Variants in DLG2 observed in about 807,000 individuals in gnomAD.
DLG2 encodes discs large MAGUK scaffold protein 2, also known as disks large homolog 2.
A neutral mutation model predicts 132.5 loss-of-function variants in DLG2; 45 were observed. The observed-to-expected ratio is 0.34, with a 90% confidence interval of 0.27 to 0.44. DLG2 has a LOEUF of 0.44. DLG2 is among the 20% of genes least tolerant of loss of function. The pLI, the probability that DLG2 is intolerant of heterozygous loss-of-function variation, is 1.00. For synonymous variants in DLG2, 424 were observed against 419.6 expected (o/e 1.01, Z -0.13); for missense variants, 1,045 against 1,196.9 (o/e 0.87, Z 1.87).
chr11:84,842,165 G>T (rs756824417), intron 6 of DLG2, among the ~76,000 whole-genome samples: 4 of 151,950 alleles, frequency 2.6e-5, no homozygotes, highest in Non-Finnish European at 4.4e-5. Flanking sequence ...AGGGACTATA[G>T]AGATGAGGAA....
intron 3 of DLG2, among the ~76,000 whole-genome samples, chr11:85,465,912 A>C (rs1334323465): frequency 6.6e-6 from 1 of 152,066 alleles, no homozygotes; most frequent in Non-Finnish European, 1.5e-5. Flanking sequence ...ACTAGTTTAC[A>C]GTCCCACCAA....
intron 6 of DLG2, among the ~76,000 whole-genome samples, chr11:84,708,212 T>C (rs1029591118): frequency 2.0e-5 from 3 of 151,900 alleles, no homozygotes; most frequent in Non-Finnish European, 4.4e-5. Flanking sequence ...TGTTCTCGTC[T>C]ATAAAAATAT....
intron 3 of DLG2, among the ~76,000 whole-genome samples, chr11:85,520,840 C>G (rs1481998013): frequency 1.3e-5 from 2 of 152,094 alleles, no homozygotes. Context: ...ACCCCTATCT[C>G]TTGCCATATA....
At chr11:85,429,802 A>T (rs989165880) in intron 3 of DLG2, among the ~76,000 whole-genome samples, 19 of 152,206 alleles carry the variant, frequency 1.2e-4, no homozygotes, top group African/African-American at 4.6e-4. Context: ...CAGTGTGGCG[A>T]TTCCTCAGGG....
At chr11:84,017,751 C>T (rs1235355203) in intron 11 of DLG2, among the ~76,000 whole-genome samples, 1 of 151,968 alleles carries the variant, frequency 6.6e-6, no homozygotes, top group Non-Finnish European at 1.5e-5. Context: ...TAAAGAAGAA[C>T]ATTGAAAATA....
At chr11:84,880,186 G>A (rs1400803951) in intron 6 of DLG2, among the ~76,000 whole-genome samples, 1 of 152,088 alleles carries the variant, frequency 6.6e-6, no homozygotes. Context: ...CCATGAGGAT[G>A]CACAAGGATA....
At chr11:83,782,417 C>G (rs2094867407) in intron 18 of DLG2, among the ~76,000 whole-genome samples, 1 of 152,176 alleles carries the variant, frequency 6.6e-6, no homozygotes, top group Non-Finnish European at 1.5e-5. Flanking sequence ...CTAGTGCTGT[C>G]TAGGAGCTCA....
intron 6 of DLG2, among the ~76,000 whole-genome samples, chr11:85,006,056 G>T (rs1277735077): frequency 6.6e-6 from 1 of 152,080 alleles, no homozygotes; most frequent in Non-Finnish European, 1.5e-5. Context: ...AACCAGCCTT[G>T]CATCCCAGGG....
chr11:85,551,535 T>C lies in DLG2; in HGVS notation c.40+47122A>G, dbSNP rs558691977. Among the ~76,000 whole-genome samples, 31 of 152,184 alleles carry C rather than the reference T, an allele frequency of 2.0e-4. No homozygotes were observed. In the South Asian group the frequency reaches 5.2e-3, roughly 25 times the overall value. On this transcript the variant is annotated intron_variant, in intron 3 of 27. Coordinates refer to ENST00000376104, the MANE Select transcript of DLG2 (RefSeq NM_001142699.3). ...TCTAAACTATTATGCATATAACTCC[T>C]TTATAACTATTAAATTAATATAAAT...
intron 12 of DLG2, among the ~76,000 whole-genome samples, chr11:83,972,580 A>G (rs899952762): frequency 6.6e-6 from 1 of 152,098 alleles, no homozygotes; most frequent in African/African-American, 2.4e-5. Context: ...ATTCATCTCT[A>G]TTCCCCTAGC....
intron 21 of DLG2, among the ~76,000 whole-genome samples, chr11:83,503,427 A>C (rs1177820956): frequency 1.6e-5 from 2 of 128,942 alleles, no homozygotes; most frequent in Non-Finnish European, 1.7e-5. Flanking sequence ...ATATATAGAT[A>C]GATCTAATAG....
chr11:84,636,353 G>A (rs978090264), intron 6 of DLG2, among the ~76,000 whole-genome samples: 4 of 152,184 alleles, frequency 2.6e-5, no homozygotes, highest in Non-Finnish European at 5.9e-5. Flanking sequence ...GTATAACTGT[G>A]ACATTGAAGT....
At chr11:85,087,865 A>AAAAG (rs2068188207) in intron 6 of DLG2, among the ~76,000 whole-genome samples, 1 of 148,656 alleles carries the variant, frequency 6.7e-6, no homozygotes, top group African/African-American at 2.5e-5. Context: ...AAAAAAAAAA[A>AAAAG]AAAACAGATC....
chr11:83,828,878 A>G (rs2153993465), intron 17 of DLG2, among the ~76,000 whole-genome samples: 1 of 152,258 alleles, frequency 6.6e-6, no homozygotes, highest in South Asian at 2.1e-4. Flanking sequence ...ATATATGTGT[A>G]TGTATATGTG....
At chr11:84,394,055 T>G (rs1384709410) in intron 7 of DLG2, among the ~76,000 whole-genome samples, 1 of 152,084 alleles carries the variant, frequency 6.6e-6, no homozygotes, top group Non-Finnish European at 1.5e-5. Flanking sequence ...CCAGCTATTT[T>G]TAGTAGAGAC....
chr11:84,240,844 A>G (rs1018658459), intron 8 of DLG2, among the ~76,000 whole-genome samples: 3 of 152,236 alleles, frequency 2.0e-5, no homozygotes, highest in African/African-American at 4.8e-5. Context: ...AGACCTAGAA[A>G]TAGAGTGATA....
chr11:84,627,519 G>A (rs553082509), intron 6 of DLG2, among the ~76,000 whole-genome samples: 84 of 152,280 alleles, frequency 5.5e-4, no homozygotes, highest in Non-Finnish European at 1.1e-3. Flanking sequence ...GTACTGCAGC[G>A]GAAATTTCAG....
At chr11:84,981,420 ACT>A (rs1368424561) in intron 6 of DLG2, among the ~76,000 whole-genome samples, 3 of 152,000 alleles carry the variant, frequency 2.0e-5, no homozygotes, top group Non-Finnish European at 4.4e-5. Context: ...GTGTTGAGTA[ACT>A]CTAAGCAGAT....
intron 5 of DLG2, among the ~76,000 whole-genome samples, chr11:85,143,074 G>T (rs1028277697): frequency 2.6e-5 from 4 of 151,734 alleles, no homozygotes; most frequent in African/African-American, 9.7e-5. Context: ...CATGAAATGA[G>T]TTTGGAAGTG....
Sources: allele counts gnomAD v4.1 joint callset (sites outside exome capture counted in the v4.1 genomes callset), GRCh38; gene constraint gnomAD v4.1.1; transcripts MANE v1.5; gene names NCBI Gene and HGNC (gene_info 2026-07-23, HGNC 2026-07-21).